TMTC4: variants seen among roughly 807,000 people sequenced by gnomAD.
TMTC4 encodes the protein transmembrane O-mannosyltransferase targeting cadherins 4, also known as protein O-mannosyl-transferase TMTC4.
Under a neutral mutation model 86.0 loss-of-function variants are expected in TMTC4, and 65 were observed. That is an observed-to-expected ratio of 0.76 (90% CI 0.62 to 0.93). The LOEUF is 0.93. TMTC4 is among the 40% of genes least tolerant of loss of function. The probability of loss-of-function intolerance (pLI) is 0.00; values close to 1 mark genes in which losing one functional copy is unlikely to be tolerated. For synonymous variants in TMTC4, 379 were observed against 382.5 expected, an observed-to-expected ratio of 0.99 and a Z score of 0.11; for missense variants, 866 against 948.1, an observed-to-expected ratio of 0.91 and a Z score of 1.14.
intron 12 of TMTC4, among the ~76,000 whole-genome samples, chr13:100,629,356 T>A (rs564125957): frequency 6.6e-6 from 1 of 151,914 alleles, no homozygotes; most frequent in Non-Finnish European, 1.5e-5. Flanking sequence ...ACACCTTGAG[T>A]GGCACCCACC....
At chr13:100,665,444 AG>A (rs943157766) in intron 3 of TMTC4, among the ~76,000 whole-genome samples, 3 of 152,256 alleles carry the variant, frequency 2.0e-5, no homozygotes, top group Admixed American at 6.5e-5. Flanking sequence ...GGGAGTTTGC[AG>A]CTCACAGACC....
chr13:100,674,266 G>A, intron 1 of TMTC4: 2 of 979,564 alleles, frequency 2.0e-6, no homozygotes, highest in Non-Finnish European at 2.4e-6. Flanking sequence ...AGCCGCCGCG[G>A]AACCCAGGGC....
chr13:100,670,061 G>C (rs992079285), intron 2 of TMTC4, among the ~76,000 whole-genome samples: 2 of 152,170 alleles, frequency 1.3e-5, no homozygotes, highest in Non-Finnish European at 2.9e-5. Flanking sequence ...TGAAAGCAGA[G>C]GCACAGAATG....
intron 5 of TMTC4, among the ~76,000 whole-genome samples, chr13:100,661,713 G>A (rs1465392241): frequency 6.6e-6 from 1 of 152,244 alleles, no homozygotes; most frequent in Non-Finnish European, 1.5e-5. Context: ...GGAGGAGGGT[G>A]TGATAACAAC....
intron 6 of TMTC4, among the ~76,000 whole-genome samples, chr13:100,646,035 C>G (rs375814605): frequency 6.6e-6 from 1 of 152,114 alleles, no homozygotes; most frequent in Non-Finnish European, 1.5e-5. Context: ...TAAACCAGTG[C>G]CACTCACGGG....
chr13:100,650,569 G>T (rs2786942), intron 6 of TMTC4, among the ~76,000 whole-genome samples: 108,342 of 151,952 alleles, frequency 0.71, 39,671 homozygotes, highest in East Asian at 0.99. Flanking sequence ...AGGTGGCCGC[G>T]ACTCTCTCTC....
rs2153019938 is a variant in TMTC4 at position 100,605,017 on chromosome 13, G to A, written c.2260C>T (p.Leu754=). ...NYGLLRRKLE[L]MQKKAV ...GATCAGACAGCTTTCTTTTGCATTAGTTCTAGCTTTCTTCTCAGCAGACCG... is the reference window on the plus strand; with the variant it reads ...GATCAGACAGCTTTCTTTTGCATTAATTCTAGCTTTCTTCTCAGCAGACCG... Residue 754 remains leucine (L), a synonymous_variant, in exon 19 of 19, where the codon CTA becomes TTA. Coordinates refer to ENST00000342624, the MANE Select transcript of TMTC4 (RefSeq NM_032813.5). The surrounding 1 kb of genome is among the most constrained non-coding windows in gnomAD (Gnocchi z 4.3). 2 of 1,613,882 alleles carry A rather than the reference G, an allele frequency of 1.2e-6. No individual in the cohort carries two copies. Among genetic ancestry groups the A allele is most frequent in the Non-Finnish European group, 8.5e-7 (1 of 1,179,932 alleles).
At chr13:100,647,422 C>T (rs903133382) in intron 6 of TMTC4, among the ~76,000 whole-genome samples, 2 of 152,148 alleles carry the variant, frequency 1.3e-5, no homozygotes, top group African/African-American at 4.8e-5. Flanking sequence ...CACCCCACCC[C>T]ATCCCATCCC....
chr13:100,612,032 G>A (rs1009251005), intron 17 of TMTC4, among the ~76,000 whole-genome samples: 1 of 152,216 alleles, frequency 6.6e-6, no homozygotes, highest in African/African-American at 2.4e-5. Context: ...GGGTGGGGCT[G>A]GGGCAGGGGC....
intron 15 of TMTC4, 38 bp downstream of exon 15, chr13:100,625,497 A>G: frequency 6.2e-7 from 1 of 1,609,694 alleles, no homozygotes; most frequent in Non-Finnish European, 8.5e-7. Flanking sequence ...AAAATAACCC[A>G]TCTTTCCTTC....
At chr13:100,643,287 G>A (rs578195174) in intron 6 of TMTC4, among the ~76,000 whole-genome samples, 3 of 152,286 alleles carry the variant, frequency 2.0e-5, no homozygotes, top group African/African-American at 4.8e-5. Context: ...GGCATTACTC[G>A]GTTCAATTCC....
chr13:100,616,501 G>A (rs776831417), intron 15 of TMTC4, among the ~76,000 whole-genome samples: 2 of 152,092 alleles, frequency 1.3e-5, no homozygotes, highest in Non-Finnish European at 2.9e-5. Flanking sequence ...GTGCCCGGCC[G>A]CATGTGTCTT....
chr13:100,667,212 C>T (rs889996915), intron 3 of TMTC4, among the ~76,000 whole-genome samples: 1 of 152,150 alleles, frequency 6.6e-6, no homozygotes, highest in Non-Finnish European at 1.5e-5. Context: ...GTAGGCAGAT[C>T]ATCTGAGGTC....
At chr13:100,632,051 A>ACTCTCTCTCTCTCTCT (rs1368407089) in intron 12 of TMTC4, among the ~76,000 whole-genome samples, 1 of 28,544 alleles carries the variant, frequency 3.5e-5, no homozygotes, top group Non-Finnish European at 1.1e-4. Context: ...ACACACACAC[A>ACTCTCTCTCTCTCTCT]CACTCTCTCT....
chr13:100,664,074 G>C, intron 4 of TMTC4, 147 bp downstream of exon 4: 1 of 527,618 alleles, frequency 1.9e-6, no homozygotes, highest in Non-Finnish European at 3.3e-6. Context: ...TCTGCACCTA[G>C]AGACCCATGT....
intron 5 of TMTC4, 88 bp downstream of exon 5, chr13:100,662,876 A>G (rs1885945059): frequency 7.0e-7 from 1 of 1,431,718 alleles, no homozygotes; most frequent in Admixed American, 1.8e-5. Context: ...GGGTACATAA[A>G]GGGAGCCTGT....
intron 15 of TMTC4, among the ~76,000 whole-genome samples, chr13:100,617,032 T>C (rs913234796): frequency 4.6e-5 from 7 of 152,208 alleles, no homozygotes; most frequent in African/African-American, 1.4e-4. Flanking sequence ...CACTTGCCAA[T>C]TTTCGTTTTT....
chr13:100,652,956 A>C (rs1348625909), intron 6 of TMTC4, among the ~76,000 whole-genome samples: 2 of 152,246 alleles, frequency 1.3e-5, no homozygotes, highest in African/African-American at 4.8e-5. Context: ...TGATGGAATG[A>C]ATGACTAAAA....
At position 100,603,919 on chromosome 13, in the gene TMTC4, A is replaced by C. The variant is rs990567744; in HGVS notation, c.*1075T>G. 4.5e-4 allele frequency: 69 copies of C among 152,664 alleles called. 2 individuals carry two copies. The highest frequency in any genetic ancestry group is 2.9e-5 in the Non-Finnish European group (2 of 68,050). 9.5% of individuals were successfully genotyped at this position (152,664 alleles called of 1,614,324 possible). ...TTGAAAATAATTGATTAAGAAGGCA[A>C]TATGACATTTTCATGCTAGTTTGTG... On this transcript the variant is annotated 3_prime_UTR_variant, in exon 19 of 19. Coordinates refer to ENST00000342624, the MANE Select transcript of TMTC4 (RefSeq NM_032813.5).
Sources: allele counts gnomAD v4.1 joint callset (sites outside exome capture counted in the v4.1 genomes callset), GRCh38; gene constraint gnomAD v4.1.1; non-coding constraint Gnocchi (gnomAD v3.1); transcripts MANE v1.5; gene names NCBI Gene and HGNC (gene_info 2026-07-23, HGNC 2026-07-21).